Variants in ZNF487 observed in about 807,000 individuals in gnomAD.
The protein encoded by ZNF487 is zinc finger protein 487.
In ZNF487, 4 loss-of-function variants were observed where a neutral mutation model predicts 3.0. That is an observed-to-expected ratio of 1.35 (90% CI 0.66 to 3.08). ZNF487 has a LOEUF of 3.08. Ranked by LOEUF, ZNF487 falls within the 30% of genes most tolerant of loss-of-function variation. The pLI is 0.01. For missense variants in ZNF487, 146 were observed against 98.7 expected (o/e 1.48, Z -2.03); for synonymous variants, 55 against 34.6 (o/e 1.59, Z -2.06).
the ZNF487 span, among the ~76,000 whole-genome samples, chr10:43,499,466 G>C: frequency 3.7e-4 from 56 of 152,262 alleles, no homozygotes; most frequent in Non-Finnish European, 8.1e-4. Context: ...GCCCAGGCTG[G>C]AGTGCAGTGG....
intron 1 of ZNF487, among the ~76,000 whole-genome samples, chr10:43,465,096 A>G (rs1228998709): frequency 9.6e-6 from 1 of 104,502 alleles, no homozygotes; most frequent in East Asian, 3.2e-4. Context: ...CGGGGGGCTG[A>G]CCCCCCCACC....
At chr10:43,498,091 A>AT in the ZNF487 span, among the ~76,000 whole-genome samples, 1 of 27,956 alleles carries the variant, frequency 3.6e-5, no homozygotes, top group African/African-American at 1.6e-4. Context: ...ATATATATAT[A>AT]TATATATATT....
At chr10:43,483,545 T>G (rs1252437848), downstream of ZNF487, among the ~76,000 whole-genome samples, 1 of 135,876 alleles carries the variant, frequency 7.4e-6, no homozygotes, top group Non-Finnish European at 1.6e-5. Flanking sequence ...CTTTTTTTTT[T>G]GAATCAGAAT....
chr10:43,500,108 C>T, the ZNF487 span, among the ~76,000 whole-genome samples: 1 of 152,134 alleles, frequency 6.6e-6, no homozygotes, highest in African/African-American at 2.4e-5. Context: ...CTCCTGACCT[C>T]AGGTGATCCG....
the ZNF487 span, among the ~76,000 whole-genome samples, chr10:43,501,288 C>T: frequency 6.6e-6 from 1 of 152,104 alleles, no homozygotes; most frequent in Non-Finnish European, 1.5e-5. Context: ...CTGCATGAGT[C>T]AGTGGGTGAG....
chr10:43,441,928 A>G (rs1839626917), intron 1 of ZNF487, among the ~76,000 whole-genome samples: 1 of 152,138 alleles, frequency 6.6e-6, no homozygotes, highest in African/African-American at 2.4e-5. Flanking sequence ...AAGGTTGTTT[A>G]TAAAATATCT....
At chr10:43,499,188 A>C in the ZNF487 span, among the ~76,000 whole-genome samples, 1 of 152,256 alleles carries the variant, frequency 6.6e-6, no homozygotes, top group South Asian at 2.1e-4. Flanking sequence ...AAATGAGAGA[A>C]AGTGGAAAAT....
At position 43,476,027 on chromosome 10, in the gene ZNF487, A is replaced by G. The variant is rs903668307; in HGVS notation, c.35-80A>G. On this transcript the variant is annotated intron_variant, in intron 2 of 3. Transcript: ENST00000437590. The stretch of plus-strand genomic sequence containing the variant: ...GGTGTTTTCTGTAATGAAATGCTCA[A>G]GTGGACCTATTTTTGTGCAGGCACA... The G allele has an allele frequency of 1.7e-5, 12 of 695,892 alleles. No individual in the cohort carries two copies. In the African/African-American group the frequency reaches 2.1e-4, roughly 12 times the overall value. 43.1% of individuals were successfully genotyped at this position (695,892 alleles called of 1,614,324 possible). A position where few individuals can be genotyped will look rare whatever the true frequency, so the allele number is the denominator to read the frequency against.
At chr10:43,446,775 C>T (rs2132046836) in intron 1 of ZNF487, among the ~76,000 whole-genome samples, 1 of 152,314 alleles carries the variant, frequency 6.6e-6, no homozygotes, top group African/African-American at 2.4e-5. Context: ...AGACGCTCCT[C>T]ACTTCCTAGA....
chr10:43,473,692 A>G (rs900744220), intron 1 of ZNF487, among the ~76,000 whole-genome samples: 1 of 151,540 alleles, frequency 6.6e-6, no homozygotes, highest in African/African-American at 2.4e-5. Context: ...AGACCCAAAC[A>G]TCAACTTACC....
chr10:43,515,811 G>A, the ZNF487 span, among the ~76,000 whole-genome samples: 4,246 of 151,986 alleles, frequency 0.028, 95 homozygotes, highest in South Asian at 0.041. Context: ...AGTCTCGCTC[G>A]GCCGCCAGGC....
the ZNF487 span, among the ~76,000 whole-genome samples, chr10:43,522,997 CA>C: frequency 6.6e-6 from 1 of 152,114 alleles, no homozygotes; most frequent in Non-Finnish European, 1.5e-5. Flanking sequence ...TTGTTTATTC[CA>C]CTTTATCCAG....
At chr10:43,485,872 A>G (rs532868710), downstream of ZNF487, among the ~76,000 whole-genome samples, 445 of 152,198 alleles carry the variant, frequency 2.9e-3, 1 homozygote, top group African/African-American at 0.01. Flanking sequence ...TCTTCAGACT[A>G]TTTCAGTAAA....
At chr10:43,439,091 T>A (rs4551711) in intron 1 of ZNF487, among the ~76,000 whole-genome samples, 51,885 of 151,518 alleles carry the variant, frequency 0.34, 10,427 homozygotes, top group African/African-American at 0.57. Flanking sequence ...AGTACAAAAA[T>A]ATTAGCCGGG....
chr10:43,446,045 A>G (rs577801017), intron 1 of ZNF487, among the ~76,000 whole-genome samples: 196 of 152,364 alleles, frequency 1.3e-3, no homozygotes, highest in Admixed American at 1.6e-3. Flanking sequence ...TTTTCTTAGT[A>G]CAGAACAAAA....
chr10:43,483,271 G>A (rs531298806), downstream of ZNF487: 9 of 371,470 alleles, frequency 2.4e-5, no homozygotes, highest in Middle Eastern at 1.8e-3. Flanking sequence ...ACAGAGTTTC[G>A]CTCTTATTGC....
intron 1 of ZNF487, chr10:43,453,771 C>G (rs1475591392): frequency 2.5e-5 from 2 of 81,226 alleles, no homozygotes; most frequent in South Asian, 7.5e-4. Context: ...GCACTTTATG[C>G]GAAAACTCAC....
At chr10:43,492,164 G>A in the ZNF487 span, among the ~76,000 whole-genome samples, 4 of 151,728 alleles carry the variant, frequency 2.6e-5, no homozygotes, top group South Asian at 2.1e-4. Context: ...CCAGGCTACC[G>A]CCAGTTTTTG....
chr10:43,482,595 C>T lies in ZNF487; in HGVS notation c.*673C>T. 2.0e-6 allele frequency: 1 copy of T among 501,864 alleles called. No homozygotes were observed. The allele number at this position is 501,864 out of a possible 1,614,324, so 31.1% of individuals were successfully genotyped here. On this transcript the variant is annotated 3_prime_UTR_variant, in exon 4 of 4. Transcript: ENST00000437590. ...GAAACCCTATGGATGTAATGAATGTCAGAAAGCCTTTGGTGATAGGTCAGC... is the reference window on the plus strand; with the variant it reads ...GAAACCCTATGGATGTAATGAATGTTAGAAAGCCTTTGGTGATAGGTCAGC...
Sources: gnomAD v4.1 joint callset for allele counts (sites outside exome capture counted in the v4.1 genomes callset) on GRCh38, gnomAD v4.1.1 for gene constraint, MANE v1.5 for transcripts, NCBI Gene and HGNC (gene_info 2026-07-23, HGNC 2026-07-21) for gene names.